Variants in DGKE observed in about 807,000 individuals in gnomAD.
The protein encoded by DGKE is diacylglycerol kinase epsilon.
A neutral mutation model predicts 70.0 loss-of-function variants in DGKE; 53 were observed. That is an observed-to-expected ratio of 0.76 (90% CI 0.61 to 0.95). DGKE has a LOEUF of 0.95. Ranked by LOEUF, DGKE falls within the 40% of genes least tolerant of loss-of-function variation. The pLI is 0.00. For missense variants in DGKE, 655 were observed against 706.9 expected, an observed-to-expected ratio of 0.93 and a Z score of 0.83; for synonymous variants, 291 against 257.0, an observed-to-expected ratio of 1.13 and a Z score of -1.27.
chr17:56,843,585 G>A (rs988143453), intron 2 of DGKE, among the ~76,000 whole-genome samples: 1 of 152,002 alleles, frequency 6.6e-6, no homozygotes, highest in Admixed American at 6.6e-5. Flanking sequence ...ATCATTTGAG[G>A]TCTGGAGGTC....
chr17:56,842,490 G>A (rs1907050050), intron 2 of DGKE, among the ~76,000 whole-genome samples: 2 of 152,274 alleles, frequency 1.3e-5, no homozygotes, highest in South Asian at 2.1e-4. Flanking sequence ...AATAAATAAA[G>A]ATATTATACT....
In DGKE at chr17:56,864,597, T is replaced by G. The variant is rs530871360; in HGVS notation, c.*1806T>G. 1.2e-4 allele frequency: 19 copies of G among 152,022 alleles called. No individual in the cohort carries two copies. The highest frequency in any genetic ancestry group is 4.2e-4 in the South Asian group (2 of 4,816). The allele number at this position is 152,022 out of a possible 1,614,324, so 9.4% of individuals were successfully genotyped here. A position where few individuals can be genotyped will look rare whatever the true frequency, so the allele number is the denominator to read the frequency against. Reference sequence around the variant, plus strand: ...AGTGAGGATGGCAGAGTTTTGTTTTTTTTTTTTTTAATGGGCCAATCATGT... The same window carrying G: ...AGTGAGGATGGCAGAGTTTTGTTTTGTTTTTTTTTAATGGGCCAATCATGT... On this transcript the variant is annotated 3_prime_UTR_variant, in exon 12 of 12. Coordinates refer to ENST00000284061, the MANE Select transcript of DGKE (RefSeq NM_003647.3).
At chr17:56,862,081 C>A in intron 10 of DGKE, 59 bp from the exon 11 acceptor site, 1 of 1,585,024 alleles carries the variant, frequency 6.3e-7, no homozygotes, top group Non-Finnish European at 8.6e-7. Flanking sequence ...AGTAATTGCT[C>A]TAGCATAACT....
At chr17:56,850,083 TGA>T (rs1907556199) in intron 7 of DGKE, among the ~76,000 whole-genome samples, 2 of 151,228 alleles carry the variant, frequency 1.3e-5, no homozygotes, top group South Asian at 4.2e-4. Context: ...ATGTGGGGAG[TGA>T]GAGGGGAAAA....
In DGKE at chr17:56,867,152, A is replaced by G. The variant is rs1908554572; in HGVS notation, c.*4361A>G. On this transcript the variant is annotated 3_prime_UTR_variant, in exon 12 of 12. Transcript: ENST00000284061. ...TGTGTAGTCAGTGCATGAGGCTTGC[A>G]TAGCCCAGAAAGGTACATTCCAGGG... The G allele has an allele frequency of 1.3e-5, 2 of 152,370 alleles. No homozygotes were observed. The highest frequency in any genetic ancestry group is 2.4e-5 in the African/African-American group (1 of 41,582). 9.4% of individuals were successfully genotyped at this position (152,370 alleles called of 1,614,324 possible). A position where few individuals can be genotyped will look rare whatever the true frequency, so the allele number is the denominator to read the frequency against.
intron 4 of DGKE, among the ~76,000 whole-genome samples, chr17:56,846,513 A>G (rs1907296021): frequency 6.6e-6 from 1 of 152,214 alleles, no homozygotes; most frequent in Non-Finnish European, 1.5e-5. Flanking sequence ...TGAACTTAAT[A>G]AAAATTATTG....
chr17:56,851,126 G>A (rs1907620948), intron 7 of DGKE, among the ~76,000 whole-genome samples: 1 of 152,102 alleles, frequency 6.6e-6, no homozygotes, highest in African/African-American at 2.4e-5. Flanking sequence ...GCACTAGGTA[G>A]AGGCTTCTAC....
intron 4 of DGKE, 57 bp downstream of exon 4, chr17:56,845,866 GATT>G (rs1263668522): frequency 1.6e-5 from 24 of 1,485,038 alleles, no homozygotes; most frequent in Middle Eastern, 4.5e-4. Context: ...AAAATGCAAT[GATT>G]ATTAATGCTT....
intron 7 of DGKE, among the ~76,000 whole-genome samples, chr17:56,852,126 A>G (rs1763126929): frequency 6.6e-6 from 1 of 152,102 alleles, no homozygotes; most frequent in African/African-American, 2.4e-5. Context: ...TAAAAATCAC[A>G]AATTGGCGGG....
chr17:56,861,597 G>T (rs1908295869), intron 9 of DGKE, among the ~76,000 whole-genome samples, 194 bp from the exon 10 acceptor site: 1 of 152,194 alleles, frequency 6.6e-6, no homozygotes, highest in African/African-American at 2.4e-5. Context: ...CATTATTGTT[G>T]ATGTTGATAG....
In DGKE at chr17:56,834,675, G is replaced by A. The variant is rs1906449312; in HGVS notation, c.-18-103G>A. On this transcript the variant is annotated intron_variant, in intron 1 of 11. Coordinates refer to ENST00000284061, the MANE Select transcript of DGKE (RefSeq NM_003647.3). ...GCAGTCCCGCCCTCGGGAGAGCGGAGCCACCTTCACTGAGGGCGCCCGGTT... is the reference window on the plus strand; with the variant it reads ...GCAGTCCCGCCCTCGGGAGAGCGGAACCACCTTCACTGAGGGCGCCCGGTT... 4 of 1,087,840 alleles carry A rather than the reference G, an allele frequency of 3.7e-6. No individual in the cohort carries two copies. The South Asian group carries it at 4.5e-5, about 12-fold the overall frequency. The allele number at this position is 1,087,840 out of a possible 1,614,324, so 67.4% of individuals were successfully genotyped here.
rs1233171922 is a variant in DGKE, at chr17:56,835,029, G to A, written c.234G>A (p.Ala78=). The A allele has an allele frequency of 6.2e-7, 1 of 1,612,816 alleles. No homozygotes were observed. Among genetic ancestry groups the A allele is most frequent in the Non-Finnish European group, 8.5e-7 (1 of 1,180,026 alleles). ...FSQPTYCCVC[A]QHILQGAFCD... ...AGCCCACCTACTGCTGCGTGTGCGC[G>A]CAGCACATTCTGCAGGGCGCCTTCT... The change falls in exon 2 of 12, where the codon GCG becomes GCA. Residue 78 remains alanine, a synonymous_variant. Transcript: ENST00000284061.
At chr17:56,848,587 G>A (rs1370598504) in intron 5 of DGKE, 109 bp from the exon 6 acceptor site, 2 of 1,103,354 alleles carry the variant, frequency 1.8e-6, no homozygotes, top group Non-Finnish European at 2.6e-6. Flanking sequence ...ACAACATACA[G>A]TTGTTATATT....
intron 4 of DGKE, chr17:56,846,331 G>A (rs1483349839): frequency 6.6e-6 from 1 of 152,222 alleles, no homozygotes; most frequent in Non-Finnish European, 1.5e-5. Flanking sequence ...ACCTTATATT[G>A]TATGACTCCA....
Position 56,849,249 on chromosome 17 carries a change from T to A in DGKE, c.1098+17T>A, listed in dbSNP as rs1192401647. On this transcript the variant is annotated intron_variant, in intron 7 of 11. Transcript: ENST00000284061. ...AAACCCAAGGTATGTTGTTAGTGCC[T>A]CAGTTGCAAGTGGTTTCAGCTTCAT... 6.2e-7 allele frequency: 1 copy of A among 1,607,180 alleles called. No individual in the cohort carries two copies. The highest frequency in any genetic ancestry group is 8.5e-7 in the Non-Finnish European group (1 of 1,177,474).
At chr17:56,837,851 G>A (rs1447359813) in intron 2 of DGKE, among the ~76,000 whole-genome samples, 5 of 152,106 alleles carry the variant, frequency 3.3e-5, no homozygotes, top group Non-Finnish European at 7.4e-5. Context: ...AAGTGAGAAA[G>A]GCCCTTTAAT....
rs757365660 is a variant in DGKE at position 56,862,827 on chromosome 17, C to CAA, written c.*37_*38insAA. On this transcript the variant is annotated 3_prime_UTR_variant, in exon 12 of 12. Transcript: ENST00000284061. ...GAGTGAAAACTTTGCATAGAATCCT[C>CAA]ACGCAAGTAGATACATGTTCATCCA... 6.9e-7 allele frequency: 1 copy of CAA among 1,459,816 alleles called. No homozygotes were observed. The highest frequency in any genetic ancestry group is 1.5e-5 in the African/African-American group (1 of 68,868). The allele number at this position is 1,459,816 out of a possible 1,614,324, so 90.4% of individuals were successfully genotyped here.
chr17:56,844,361 T>A (rs1383793891), intron 3 of DGKE, among the ~76,000 whole-genome samples, 183 bp downstream of exon 3: 1 of 152,206 alleles, frequency 6.6e-6, no homozygotes, highest in African/African-American at 2.4e-5. Context: ...TCCTACCTAG[T>A]TCCTAGAGAT....
At chr17:56,858,768 C>A in intron 9 of DGKE, 103 bp downstream of exon 9, 1 of 860,950 alleles carries the variant, frequency 1.2e-6, no homozygotes, top group South Asian at 1.9e-5. Flanking sequence ...ATTTTGCCAG[C>A]ATACATAGAG....
Sources: allele counts gnomAD v4.1 joint callset (sites outside exome capture counted in the v4.1 genomes callset), GRCh38; gene constraint gnomAD v4.1.1; transcripts MANE v1.5; gene names NCBI Gene and HGNC (gene_info 2026-07-23, HGNC 2026-07-21).